The following TDO2 variants were observed in gnomAD, a reference collection of about 807,000 sequenced individuals.
The protein encoded by TDO2 is tryptophan 2,3-dioxygenase.
TDO2 carries 63 observed loss-of-function variants against 61.2 expected under a neutral mutation model. The ratio of observed to expected loss-of-function variants is 1.03; its 90% CI spans 0.84 to 1.27. The LOEUF is 1.27. TDO2 is among the 50% of genes most tolerant of loss of function. The pLI is 0.00. For synonymous variants in TDO2, 183 were observed against 164.0 expected (o/e 1.12, Z -0.89); for missense variants, 494 against 469.5 (o/e 1.05, Z -0.48).
intron 8 of TDO2, 105 bp downstream of exon 8, chr4:155,914,539 A>ATC: frequency 1.3e-6 from 1 of 765,866 alleles, no homozygotes; most frequent in Non-Finnish European, 1.9e-6. Flanking sequence ...AATAGAATGA[A>ATC]AATTGATATT....
chr4:155,920,067 T>C lies in TDO2; in HGVS notation c.*77T>C. The C allele has an allele frequency of 7.2e-7, 1 of 1,390,936 alleles. No homozygotes were observed. Among genetic ancestry groups the C allele is most frequent in the Admixed American group, 1.9e-5 (1 of 53,692 alleles). 86.2% of individuals were successfully genotyped at this position (1,390,936 alleles called of 1,614,324 possible). ...TTTCTATGGATTTTCATAAATACAG[T>C]TTGAATATATGTATGCATATATTGT... On this transcript the variant is annotated 3_prime_UTR_variant, in exon 12 of 12. Coordinates refer to ENST00000536354, the MANE Select transcript of TDO2 (RefSeq NM_005651.4).
intron 8 of TDO2, among the ~76,000 whole-genome samples, chr4:155,915,334 A>T (rs984283519): frequency 9.2e-5 from 14 of 152,000 alleles, no homozygotes; most frequent in African/African-American, 3.4e-4. Flanking sequence ...TCTGTTTTCT[A>T]AAAAAAACAA....
In TDO2 at chr4:155,903,718, A is replaced by G; in HGVS notation, c.-41A>G. 1.9e-6 allele frequency: 3 copies of G among 1,613,326 alleles called. No individual in the cohort carries two copies. Among genetic ancestry groups the G allele is most frequent in the Non-Finnish European group, 2.5e-6 (3 of 1,179,286 alleles). On this transcript the variant is annotated 5_prime_UTR_variant, in exon 1 of 12. The change abolishes the stop of an existing upstream ORF in the 5' untranslated region. Transcript: ENST00000536354. ...GGAAGGTCAATGATAGCATCTGCCTAGAGTCAAACCTCCGTGCTTCTCAGA... is the reference window on the plus strand; with the variant it reads ...GGAAGGTCAATGATAGCATCTGCCTGGAGTCAAACCTCCGTGCTTCTCAGA...
rs1241037127 is a variant in TDO2, at chr4:155,909,644, C to T, written c.432-381C>T. 5.3e-5 allele frequency among the ~76,000 whole-genome samples: 8 copies of T among 151,924 alleles called. No homozygotes were observed. In the East Asian group the frequency reaches 1.5e-3, roughly 29 times the overall value. On this transcript the variant is annotated intron_variant, in intron 5 of 11. Coordinates refer to ENST00000536354, the MANE Select transcript of TDO2 (RefSeq NM_005651.4). ...ATAATATGGGGAGTGGGAGTAATAA[C>T]ATTTTTGATATCCGATGATATTTAA...
Position 155,918,171 on chromosome 4 carries a change from C to A in TDO2, c.999C>A (p.His333Gln). The A allele has an allele frequency of 6.2e-7, 1 of 1,614,048 alleles. No homozygotes were observed. Among genetic ancestry groups the A allele is most frequent in the Non-Finnish European group, 8.5e-7 (1 of 1,179,950 alleles). ...KWRYNHVCMV[H>Q]RMLGSKAGTG... ...TAGATAACCATGTGTGCATGGTGCACAGAATGCTGGGCAGCAAAGCTGGCA... is the reference window on the plus strand; with the variant it reads ...TAGATAACCATGTGTGCATGGTGCAAAGAATGCTGGGCAGCAAAGCTGGCA... Residue 333 changes from histidine to glutamine, a missense_variant, in exon 11 of 12, where the codon CAC (histidine) becomes CAA (glutamine). By Grantham distance (24) the His-to-Gln change is conservative (BLOSUM62 0). Coordinates refer to ENST00000536354, the MANE Select transcript of TDO2 (RefSeq NM_005651.4).
At position 155,914,350 on chromosome 4, in the gene TDO2, G is replaced by C; in HGVS notation, c.754G>C (p.Glu252Gln). 1.2e-6 allele frequency: 2 copies of C among 1,609,082 alleles called. No homozygotes were observed. Among genetic ancestry groups the C allele is most frequent in the Non-Finnish European group, 1.7e-6 (2 of 1,178,624 alleles). ...TAAAGAAGAGTCTGAAGAAAAAGAG[G>C]AACAGGTGGCTGAATTTCAGAAGCA... ...QAKEESEEKE[E>Q]QVAEFQKQKE... Residue 252 changes from glutamate (E) to glutamine (Q), a missense_variant, in exon 8 of 12, where the codon GAA becomes CAA. By Grantham distance (29) the Glu-to-Gln change is conservative (BLOSUM62 2). Coordinates refer to ENST00000536354, the MANE Select transcript of TDO2 (RefSeq NM_005651.4).
rs1312538730 is a variant in TDO2, at chr4:155,920,120, C to T, written c.*130C>T. 2 of 817,578 alleles carry T rather than the reference C, an allele frequency of 2.4e-6. No homozygotes were observed. The highest frequency in any genetic ancestry group is 3.5e-5 in the African/African-American group (2 of 56,798). The allele number at this position is 817,578 out of a possible 1,614,324, so 50.6% of individuals were successfully genotyped here. On this transcript the variant is annotated 3_prime_UTR_variant, in exon 12 of 12. Coordinates refer to ENST00000536354, the MANE Select transcript of TDO2 (RefSeq NM_005651.4). ...AGCACCACGATGCTCTGATTTAATT[C>T]TAGAAACAATTTGATTACCTCTTGT... is the stretch of plus-strand genomic sequence containing the variant.
rs144309465 is a variant in TDO2, at chr4:155,919,634, A to C, written c.1068-203A>C. On this transcript the variant is annotated intron_variant, in intron 11 of 11. Transcript: ENST00000536354. ...ACATAATACTGTTTTATGGGCATAA[A>C]CTTTGAAAATGGAATAAAAAGCAGA... 5.1e-3 allele frequency among the ~76,000 whole-genome samples: 784 copies of C among 152,264 alleles called. 5 individuals are homozygous for C. Among genetic ancestry groups the C allele is most frequent in the African/African-American group, 0.017 (725 of 41,572 alleles).
rs375801975 is a variant in TDO2 at position 155,908,933 on chromosome 4, G to A, written c.350G>A (p.Arg117Gln). 52 of 1,612,968 alleles carry A rather than the reference G, an allele frequency of 3.2e-5. No individual in the cohort carries two copies. The highest frequency in any genetic ancestry group is 4.2e-5 in the Non-Finnish European group (49 of 1,179,648). The change falls in exon 5 of 12, where the codon CGA becomes CAA. Residue 117 changes from arginine (R) to glutamine (Q), a missense_variant. By Grantham distance (43) the Arg-to-Gln change is conservative. Coordinates refer to ENST00000536354, the MANE Select transcript of TDO2 (RefSeq NM_005651.4). Reference protein sequence around the residue: ...NMLKVVSRMHRVSVILKLLVQ... With the variant: ...NMLKVVSRMHQVSVILKLLVQ... ...CTTAAGGTTGTTTCTCGGATGCACC[G>A]AGTGTCAGTGATCCTGAAACTGCTG...
rs183557808 is a variant in TDO2, at chr4:155,917,808, T to G, written c.976+334T>G. Among the ~76,000 whole-genome samples, 429 of 152,326 alleles carry G rather than the reference T, an allele frequency of 2.8e-3. 5 individuals are homozygous for G. Among genetic ancestry groups the G allele is most frequent in the African/African-American group, 8.7e-3 (361 of 41,576 alleles). ...GCCATTATGCCAATGCAGTTTTAAA[T>G]TTTTAATTTTAATAGTTTTTTTATT... On this transcript the variant is annotated intron_variant, in intron 10 of 11. Coordinates refer to ENST00000536354, the MANE Select transcript of TDO2 (RefSeq NM_005651.4).
intron 9 of TDO2, among the ~76,000 whole-genome samples, chr4:155,916,972 AAAC>A (rs894457565): frequency 1.7e-4 from 25 of 150,740 alleles, no homozygotes; most frequent in South Asian, 8.4e-4. Flanking sequence ...AAACAAAACA[AAAC>A]AACAACAAAA....
rs113391305 is a variant in TDO2 at position 155,917,217 on chromosome 4, T to G, written c.897-178T>G. 5.6e-3 allele frequency among the ~76,000 whole-genome samples: 853 copies of G among 152,274 alleles called. 5 individuals are homozygous for G. The highest frequency in any genetic ancestry group is 0.019 in the African/African-American group (781 of 41,544). On this transcript the variant is annotated intron_variant, in intron 9 of 11. Coordinates refer to ENST00000536354, the MANE Select transcript of TDO2 (RefSeq NM_005651.4). ...AACAAACACTGCAAGTTGAGTAGTATTATTTCATCTTTGAGATGGAGAAAC... is the reference window on the plus strand; with the variant it reads ...AACAAACACTGCAAGTTGAGTAGTAGTATTTCATCTTTGAGATGGAGAAAC...
rs766218699 is a variant in TDO2 at position 155,914,331 on chromosome 4, A to G, written c.735A>G (p.Glu245=). Residue 245 remains glutamate, a synonymous_variant, in exon 8 of 12, where the codon GAA becomes GAG. Coordinates refer to ENST00000536354, the MANE Select transcript of TDO2 (RefSeq NM_005651.4). The part of the protein sequence containing the change: ...EEEFIRIQAK[E]ESEEKEEQVA... The stretch of plus-strand genomic sequence containing the variant: ...CCATATTTTTCCTAAAGGCTAAAGA[A>G]GAGTCTGAAGAAAAAGAGGAACAGG... 1.2e-6 allele frequency: 2 copies of G among 1,606,032 alleles called. No homozygotes were observed. Among genetic ancestry groups the G allele is most frequent in the African/African-American group, 1.3e-5 (1 of 74,332 alleles).
rs1217727168 is a variant in TDO2, at chr4:155,903,797, A to G, written c.35+4A>G. 8 of 1,613,986 alleles carry G rather than the reference A, an allele frequency of 5.0e-6. No homozygotes were observed. The highest frequency in any genetic ancestry group is 6.8e-6 in the Non-Finnish European group (8 of 1,180,010). On this transcript the variant is annotated splice_donor_region_variant and intron_variant, in intron 1 of 11. Transcript: ENST00000536354. ...CATTTTTAGGAAACAACTTTGGGTG[A>G]GTATTTACCTTTATTCTAAGTGGGT...
At chr4:155,913,253 T>A (rs1414953153) in intron 7 of TDO2, among the ~76,000 whole-genome samples, 1 of 152,108 alleles carries the variant, frequency 6.6e-6, no homozygotes, top group Non-Finnish European at 1.5e-5. Flanking sequence ...TCATTGTTTT[T>A]AAAATTAAGA....
chr4:155,905,299 G>A (rs1424447718), intron 3 of TDO2, 142 bp downstream of exon 3: 3 of 693,708 alleles, frequency 4.3e-6, no homozygotes, highest in African/African-American at 1.9e-5. Flanking sequence ...TTTGCTGCCA[G>A]ATGAATTCTC....
chr4:155,906,529 C>T (rs1041589175), intron 3 of TDO2: 1 of 152,064 alleles, frequency 6.6e-6, no homozygotes, highest in African/African-American at 2.4e-5. Context: ...TATTGACTTC[C>T]TGTGTCATCT....
At chr4:155,903,892 CT>C in intron 1 of TDO2, 99 bp downstream of exon 1, 1 of 1,527,222 alleles carries the variant, frequency 6.5e-7, no homozygotes, top group Non-Finnish European at 9.1e-7. Flanking sequence ...AAACTGTCAC[CT>C]TTATTCCTTT....
chr4:155,919,423 C>A (rs74988669), intron 11 of TDO2, among the ~76,000 whole-genome samples: 81 of 152,144 alleles, frequency 5.3e-4, no homozygotes, highest in African/African-American at 1.8e-3. Context: ...TTAAACCCTT[C>A]AGGGCAGTTA....
Sources: gnomAD v4.1 joint callset for allele counts (sites outside exome capture counted in the v4.1 genomes callset) on GRCh38, gnomAD v4.1.1 for gene constraint, MANE v1.5 for transcripts, NCBI Gene and HGNC (gene_info 2026-07-23, HGNC 2026-07-21) for gene names.